The following ADCYAP1 variants were observed in gnomAD, a reference collection of about 807,000 sequenced individuals.
The protein encoded by ADCYAP1 is pituitary adenylate cyclase-activating polypeptide.
Under a neutral mutation model 18.5 loss-of-function variants are expected in ADCYAP1, and 6 were observed. The ratio of observed to expected loss-of-function variants is 0.32; its 90% CI spans 0.18 to 0.64. The LOEUF is 0.64. ADCYAP1 is among the 30% of genes least tolerant of loss of function. The pLI is 0.77. For missense variants in ADCYAP1, 314 were observed against 253.6 expected (o/e 1.24, Z -1.62); for synonymous variants, 136 against 113.9 (o/e 1.19, Z -1.24).
At chr18:904,785 C>T (rs1334923357), upstream of ADCYAP1, 32 of 1,279,792 alleles carry the variant, frequency 2.5e-5, no homozygotes, top group Non-Finnish European at 3.1e-5. Context: ...ATCGCCCCCT[C>T]TTTCTTTCTT....
intron 4 of ADCYAP1, 106 bp downstream of exon 4, chr18:908,469 C>A (rs1399308885): frequency 1.1e-6 from 1 of 887,164 alleles, no homozygotes; most frequent in Non-Finnish European, 1.7e-6. Context: ...GGTGAGTCTG[C>A]GCCCCTGGGT....
At chr18:907,095 T>C (rs2143111989) in intron 2 of ADCYAP1, among the ~76,000 whole-genome samples, 1 of 152,338 alleles carries the variant, frequency 6.6e-6, no homozygotes, top group East Asian at 1.9e-4. Flanking sequence ...GATCCTCGCC[T>C]GCCCAAAATA....
intron 2 of ADCYAP1, chr18:906,781 C>A (rs1909185054): frequency 6.6e-6 from 1 of 152,258 alleles, no homozygotes; most frequent in Admixed American, 6.5e-5. Flanking sequence ...CCATCTCTAC[C>A]CGTCCTGTGT....
chr18:906,471 C>G (rs763012540), intron 2 of ADCYAP1: 3 of 152,324 alleles, frequency 2.0e-5, no homozygotes, highest in Non-Finnish European at 4.4e-5. Flanking sequence ...TTGATTTGGA[C>G]GGAGAGATGG....
chr18:911,800 C>G lies in ADCYAP1; in HGVS notation c.*2165C>G, dbSNP rs1329728214. The G allele has an allele frequency of 6.6e-6, 1 of 152,178 alleles. No homozygotes were observed. The highest frequency in any genetic ancestry group is 1.9e-4 in the East Asian group (1 of 5,196). The allele number at this position is 152,178 out of a possible 1,614,324, so 9.4% of individuals were successfully genotyped here. ...GCATTTTAGTCTTAATTATTTGTTT[C>G]TTGGATAATGGGCAGAGTTTTCTGT... is the stretch of plus-strand genomic sequence containing the variant. On this transcript the variant is annotated 3_prime_UTR_variant, in exon 5 of 5. Coordinates refer to ENST00000450565, the MANE Select transcript of ADCYAP1 (RefSeq NM_001099733.2).
rs2143138028 is a variant in ADCYAP1 at position 912,100 on chromosome 18, A to G, written c.*2465A>G. On this transcript the variant is annotated 3_prime_UTR_variant, in exon 5 of 5. Transcript: ENST00000450565. ...AAGTATTATTACACACATGATATCTATAACTAGGACTTTGATAACTGTTAT... is the reference window on the plus strand; with the variant it reads ...AAGTATTATTACACACATGATATCTGTAACTAGGACTTTGATAACTGTTAT... 1 of 152,374 alleles carries G rather than the reference A, an allele frequency of 6.6e-6. No homozygotes were observed. Among genetic ancestry groups the G allele is most frequent in the Non-Finnish European group, 1.5e-5 (1 of 68,030 alleles). 9.4% of individuals were successfully genotyped at this position (152,374 alleles called of 1,614,324 possible).
intron 4 of ADCYAP1, 78 bp from the exon 5 acceptor site, chr18:909,368 G>T (rs1909297437): frequency 7.0e-7 from 1 of 1,429,564 alleles, no homozygotes; most frequent in Non-Finnish European, 9.5e-7. Context: ...CGCGTGGGGT[G>T]GGGCCCGCCT....
At chr18:907,996 C>G in intron 3 of ADCYAP1, 5 of 993,496 alleles carry the variant, frequency 5.0e-6, no homozygotes, top group Non-Finnish European at 7.0e-6. Context: ...GCGTGGGGAC[C>G]GAGGGGGGCT....
chr18:905,243 C>T, intron 1 of ADCYAP1, 143 bp from the exon 2 acceptor site: 3 of 1,476,496 alleles, frequency 2.0e-6, no homozygotes, highest in Middle Eastern at 4.0e-4. Flanking sequence ...AGGGCGCGCA[C>T]CGGCTGTCGC....
At chr18:909,367 T>A in intron 4 of ADCYAP1, 79 bp from the exon 5 acceptor site, 1 of 1,417,288 alleles carries the variant, frequency 7.1e-7, no homozygotes, top group Non-Finnish European at 9.5e-7. Flanking sequence ...CCGCGTGGGG[T>A]GGGGCCCGCC....
intron 1 of ADCYAP1, 142 bp downstream of exon 1, chr18:905,202 T>A (rs1893153): frequency 0.32 from 448,797 of 1,413,450 alleles, 69,466 homozygotes; most frequent in South Asian, 0.44. Flanking sequence ...ATATATATAT[T>A]TTTTTCTAAC....
rs1268618414 is a variant in ADCYAP1, at chr18:909,821, C to A, written c.*186C>A. ...TTTCTACAAAGCACTAGAGAATGCA[C>A]AGATATACTTTGTGGACCAATTATT... On this transcript the variant is annotated 3_prime_UTR_variant, in exon 5 of 5. Coordinates refer to ENST00000450565, the MANE Select transcript of ADCYAP1 (RefSeq NM_001099733.2). The A allele has an allele frequency of 2.7e-5, 8 of 296,766 alleles. No individual in the cohort carries two copies. The highest frequency in any genetic ancestry group is 4.4e-5 in the African/African-American group (2 of 45,118). The allele number at this position is 296,766 out of a possible 1,614,324, so 18.4% of individuals were successfully genotyped here. A position where few individuals can be genotyped will look rare whatever the true frequency, so the allele number is the denominator to read the frequency against.
intron 2 of ADCYAP1, chr18:905,961 C>T (rs1909155323): frequency 6.1e-6 from 1 of 163,264 alleles, no homozygotes; most frequent in Non-Finnish European, 1.3e-5. Flanking sequence ...CTCTCCTCCA[C>T]CCTTTCTTTT....
At chr18:907,373 G>A (rs529681050) in intron 2 of ADCYAP1, among the ~76,000 whole-genome samples, 2 of 152,130 alleles carry the variant, frequency 1.3e-5, no homozygotes, top group East Asian at 3.9e-4. Context: ...GTGCGCGATC[G>A]GCGGAGACGC....
chr18:907,896 GAAAGTCCTCAA>G, intron 3 of ADCYAP1, 106 bp downstream of exon 3: 1 of 1,370,800 alleles, frequency 7.3e-7, no homozygotes, highest in Non-Finnish European at 9.4e-7. Flanking sequence ...TTTTTCCCGT[GAAAGTCCTCAA>G]GCCTGTCCTC....
At position 905,727 on chromosome 18, in the gene ADCYAP1, C is replaced by T; in HGVS notation, c.110+231C>T. ...CCCCAGCCCTAGGCAGCTCAGGGTC[C>T]CGGGTAGAGCCAGTGAGCTTCTGGC... is the stretch of plus-strand genomic sequence containing the variant. On this transcript the variant is annotated intron_variant, in intron 2 of 4. Transcript: ENST00000450565. 6 of 561,486 alleles carry T rather than the reference C, an allele frequency of 1.1e-5. No individual in the cohort carries two copies. The South Asian group carries it at 1.2e-4, about 11-fold the overall frequency. The allele number at this position is 561,486 out of a possible 1,614,324, so 34.8% of individuals were successfully genotyped here.
At chr18:905,738 C>T (rs1909145109) in intron 2 of ADCYAP1, 1 of 538,168 alleles carries the variant, frequency 1.9e-6, no homozygotes, top group Admixed American at 3.4e-5. Flanking sequence ...CGGGTAGAGC[C>T]AGTGAGCTTC....
intron 2 of ADCYAP1, 22 bp downstream of exon 2, chr18:905,518 C>T (rs773026207): frequency 3.1e-6 from 5 of 1,602,394 alleles, no homozygotes; most frequent in South Asian, 2.2e-5. Flanking sequence ...CTGCCTGGCC[C>T]AAGCAGGAGC....
intron 2 of ADCYAP1, chr18:905,765 CCCCCT>C: frequency 2.0e-6 from 1 of 494,790 alleles, no homozygotes; most frequent in South Asian, 2.9e-5. Context: ...CTGGAGAACC[CCCCCT>C]CCCCCAACCC....
Sources: allele counts gnomAD v4.1 joint callset (sites outside exome capture counted in the v4.1 genomes callset), GRCh38; gene constraint gnomAD v4.1.1; transcripts MANE v1.5; gene names NCBI Gene and HGNC (gene_info 2026-07-23, HGNC 2026-07-21).